Variants in EIPR1 observed in about 807,000 individuals in gnomAD.
The protein encoded by EIPR1 is EARP and GARP complex-interacting protein 1.
A neutral mutation model predicts 48.1 loss-of-function variants in EIPR1; 25 were observed. That is an observed-to-expected ratio of 0.52 (90% confidence interval 0.38 to 0.73). The LOEUF (loss-of-function observed/expected upper bound fraction) is 0.73, where lower values mean the gene tolerates loss of function less well. EIPR1 is among the 30% of genes least tolerant of loss of function. The pLI is 0.00. For missense variants in EIPR1, 415 were observed against 506.2 expected (o/e 0.82, Z 1.73); for synonymous variants, 204 against 201.9 (o/e 1.01, Z -0.09).
rs115384567 is a variant in EIPR1, at chr2:3,293,467, C to T, written c.260-36012G>A. ...AAAGCTGCATGCCCCAGGGAGAACC[C>T]GGACTGCTCAGGAGGGTCCTGGCAC... On this transcript the variant is annotated intron_variant, in intron 3 of 8. Coordinates refer to ENST00000382125, the MANE Select transcript of EIPR1 (RefSeq NM_003310.5). Among the ~76,000 whole-genome samples, 1,502 of 152,320 alleles carry T rather than the reference C, an allele frequency of 9.9e-3. 12 individuals are homozygous for T. Among genetic ancestry groups the T allele is most frequent in the African/African-American group, 0.016 (648 of 41,580 alleles).
chr2:3,194,295 C>T (rs1354369567), intron 6 of EIPR1, 129 bp from the exon 7 acceptor site: 10 of 1,164,796 alleles, frequency 8.6e-6, no homozygotes, highest in African/African-American at 1.5e-5. Flanking sequence ...CTCATCCCCT[C>T]GGCGTTCCTG....
intron 1 of EIPR1, among the ~76,000 whole-genome samples, chr2:3,363,525 G>A (rs191709848): frequency 3.9e-5 from 6 of 152,004 alleles, no homozygotes; most frequent in East Asian, 3.9e-4. Flanking sequence ...GTGAAATCCC[G>A]TCTCTACATA....
intron 2 of EIPR1, among the ~76,000 whole-genome samples, chr2:3,348,909 A>C (rs1415356953): frequency 6.6e-6 from 1 of 152,216 alleles, no homozygotes; most frequent in Non-Finnish European, 1.5e-5. Context: ...GTCCACAGCC[A>C]GTGGAGCCTT....
chr2:3,223,305 C>T (rs1572322363), intron 4 of EIPR1, among the ~76,000 whole-genome samples: 1 of 152,266 alleles, frequency 6.6e-6, no homozygotes, highest in African/African-American at 2.4e-5. Flanking sequence ...TCCCCCCACA[C>T]ATGCAACACA....
intron 3 of EIPR1, among the ~76,000 whole-genome samples, chr2:3,260,419 G>T (rs1186573483): frequency 6.8e-6 from 1 of 147,510 alleles, no homozygotes; most frequent in Admixed American, 6.9e-5. Context: ...TGAATCTGGG[G>T]GGTGGAGGTT....
chr2:3,209,073 G>A, intron 5 of EIPR1: 1 of 1,419,224 alleles, frequency 7.0e-7, no homozygotes, highest in Non-Finnish European at 9.2e-7. Context: ...GGAAGGCAGG[G>A]TGTACACCCG....
At chr2:3,376,264 T>C (rs1254725641) in intron 1 of EIPR1, among the ~76,000 whole-genome samples, 1 of 152,172 alleles carries the variant, frequency 6.6e-6, no homozygotes, top group East Asian at 1.9e-4. Context: ...GGGAGATGCA[T>C]ATTTTATTGG....
chr2:3,341,312 C>T (rs1019339576), intron 2 of EIPR1, among the ~76,000 whole-genome samples: 1 of 152,088 alleles, frequency 6.6e-6, no homozygotes, highest in Non-Finnish European at 1.5e-5. Context: ...GACCATTCAC[C>T]GCAGGCCTGG....
At chr2:3,219,028 T>C (rs1229510746) in intron 4 of EIPR1, among the ~76,000 whole-genome samples, 1 of 151,002 alleles carries the variant, frequency 6.6e-6, no homozygotes, top group Admixed American at 6.6e-5. Context: ...CCTGGTATAC[T>C]CTAGAGCATT....
chr2:3,207,174 A>G (rs1006523795), intron 5 of EIPR1, among the ~76,000 whole-genome samples: 1 of 152,198 alleles, frequency 6.6e-6, no homozygotes, highest in East Asian at 1.9e-4. Flanking sequence ...CCCACCGTCC[A>G]TCTACCTGAC....
chr2:3,190,746 C>T (rs557165644), intron 8 of EIPR1, among the ~76,000 whole-genome samples: 1 of 152,312 alleles, frequency 6.6e-6, no homozygotes, highest in East Asian at 1.9e-4. Flanking sequence ...CGAGAGACCA[C>T]TGGGCAGATG....
intron 1 of EIPR1, among the ~76,000 whole-genome samples, chr2:3,377,015 T>C (rs1348871083): frequency 6.6e-6 from 1 of 152,238 alleles, no homozygotes; most frequent in Non-Finnish European, 1.5e-5. Flanking sequence ...TGGGGGCTCA[T>C]TCGGTTCATA....
intron 3 of EIPR1, among the ~76,000 whole-genome samples, chr2:3,260,327 C>T (rs534393182): frequency 2.0e-5 from 3 of 152,166 alleles, no homozygotes; most frequent in South Asian, 4.2e-4. Flanking sequence ...CCCGTCTCTA[C>T]TAAACATATA....
chr2:3,243,511 G>C (rs1666701708), intron 4 of EIPR1, among the ~76,000 whole-genome samples: 1 of 152,058 alleles, frequency 6.6e-6, no homozygotes, highest in African/African-American at 2.4e-5. Flanking sequence ...CACGCCTGTA[G>C]TCCCAGCTAC....
intron 1 of EIPR1, among the ~76,000 whole-genome samples, chr2:3,371,042 G>C: frequency 6.6e-6 from 1 of 152,270 alleles, no homozygotes; most frequent in Non-Finnish European, 1.5e-5. Flanking sequence ...CGGATCTCTC[G>C]GCAGAAACTC....
intron 3 of EIPR1, among the ~76,000 whole-genome samples, chr2:3,283,761 T>C (rs1452038268): frequency 6.6e-6 from 1 of 151,884 alleles, no homozygotes; most frequent in African/African-American, 2.4e-5. Context: ...CTGGCCAACA[T>C]GGTGAAATCC....
intron 3 of EIPR1, among the ~76,000 whole-genome samples, chr2:3,330,352 C>T (rs1669848589): frequency 6.6e-6 from 1 of 152,160 alleles, no homozygotes; most frequent in African/African-American, 2.4e-5. Flanking sequence ...CAAGTTAGGA[C>T]ACGGTCACAA....
intron 3 of EIPR1, among the ~76,000 whole-genome samples, chr2:3,326,114 G>A (rs1255709105): frequency 6.6e-6 from 1 of 152,204 alleles, no homozygotes; most frequent in Admixed American, 6.5e-5. Context: ...CCCTGGACTG[G>A]GCATAAGGTG....
chr2:3,204,330 G>A (rs554851728), intron 5 of EIPR1, among the ~76,000 whole-genome samples: 45 of 152,340 alleles, frequency 3.0e-4, no homozygotes, highest in African/African-American at 9.9e-4. Flanking sequence ...CACACTCACA[G>A]GTGCAGAGAA....
Sources: allele counts gnomAD v4.1 joint callset (sites outside exome capture counted in the v4.1 genomes callset), GRCh38; gene constraint gnomAD v4.1.1; transcripts MANE v1.5; gene names NCBI Gene and HGNC (gene_info 2026-07-23, HGNC 2026-07-21).